Variants in GLCCI1 observed in about 807,000 individuals in gnomAD.
GLCCI1 encodes glucocorticoid-induced transcript 1 protein.
In GLCCI1, 24 loss-of-function variants were observed where a neutral mutation model predicts 52.2. That is an observed-to-expected ratio of 0.46 (90% CI 0.33 to 0.65). GLCCI1 has a LOEUF of 0.65. Ranked by LOEUF, GLCCI1 falls within the 30% of genes least tolerant of loss-of-function variation. The pLI, the probability that GLCCI1 is intolerant of heterozygous loss-of-function variation, is 0.02. For synonymous variants in GLCCI1, 310 were observed against 276.5 expected, an observed-to-expected ratio of 1.12 and a Z score of -1.20; for missense variants, 704 against 701.5, an observed-to-expected ratio of 1.00 and a Z score of -0.04.
intron 3 of GLCCI1, among the ~76,000 whole-genome samples, chr7:8,040,805 T>TCA (rs1781979869): frequency 6.6e-6 from 1 of 152,224 alleles, no homozygotes; most frequent in South Asian, 2.1e-4. Flanking sequence ...TATCGCAGCA[T>TCA]CATTCAAACT....
rs980227219 is a variant in GLCCI1, at chr7:7,968,829, GGCGGCGGCGGCGGCGGCGTTT to G, written c.-517_-497del. The G allele has an allele frequency of 1.3e-5, 2 of 159,200 alleles. No homozygotes were observed. The highest frequency in any genetic ancestry group is 4.8e-5 in the African/African-American group (2 of 41,480). 9.9% of individuals were successfully genotyped at this position (159,200 alleles called of 1,614,324 possible). Reference sequence around the variant, plus strand: ...TTCGGAGTGAGGAGTGGGTAGAAGCGGCGGCGGCGGCGGCGGCGTTTGCGGTGGCGCGGACTCCGAGGAGCG... The same window carrying G: ...TTCGGAGTGAGGAGTGGGTAGAAGCGGCGGTGGCGCGGACTCCGAGGAGCG... On this transcript the variant is annotated 5_prime_UTR_variant, in exon 1 of 8. Coordinates refer to ENST00000223145, the MANE Select transcript of GLCCI1 (RefSeq NM_138426.4).
chr7:7,972,807 T>G (rs1780379470), intron 1 of GLCCI1, among the ~76,000 whole-genome samples: 1 of 152,114 alleles, frequency 6.6e-6, no homozygotes, highest in African/African-American at 2.4e-5. Context: ...ATAATTTCCT[T>G]TATTTTTGTA....
intron 6 of GLCCI1, among the ~76,000 whole-genome samples, chr7:8,083,780 C>G (rs1180823796): frequency 6.6e-6 from 1 of 152,156 alleles, no homozygotes; most frequent in Non-Finnish European, 1.5e-5. Context: ...AATCTGCATT[C>G]ACAAGACTCT....
At chr7:8,074,008 A>T (rs754506257) in intron 6 of GLCCI1, among the ~76,000 whole-genome samples, 1 of 152,188 alleles carries the variant, frequency 6.6e-6, no homozygotes, top group South Asian at 2.1e-4. Context: ...TCCCTTTTAT[A>T]TATGTAACTA....
At chr7:8,006,541 T>G (rs1475203182) in intron 2 of GLCCI1, among the ~76,000 whole-genome samples, 1 of 152,178 alleles carries the variant, frequency 6.6e-6, no homozygotes, top group Non-Finnish European at 1.5e-5. Flanking sequence ...ACATTTAAGT[T>G]AGTAGTAGTA....
At chr7:8,072,059 C>T (rs981910346) in intron 6 of GLCCI1, among the ~76,000 whole-genome samples, 5 of 152,138 alleles carry the variant, frequency 3.3e-5, no homozygotes, top group African/African-American at 4.8e-5. Context: ...CTCCTGAAAC[C>T]ACTACCTACA....
chr7:8,042,664 G>T (rs1171188111), intron 3 of GLCCI1, among the ~76,000 whole-genome samples: 3 of 152,202 alleles, frequency 2.0e-5, no homozygotes, highest in Admixed American at 6.5e-5. Flanking sequence ...CTGAAGATGT[G>T]ACTGATTTGC....
chr7:8,086,434 G>A lies in GLCCI1; in HGVS notation c.1540G>A (p.Gly514Ser). The A allele has an allele frequency of 6.2e-7, 1 of 1,614,118 alleles. No individual in the cohort carries two copies. Among genetic ancestry groups the A allele is most frequent in the Non-Finnish European group, 8.5e-7 (1 of 1,180,024 alleles). Residue 514 changes from glycine (G) to serine (S), a missense_variant, in exon 8 of 8, where the codon GGC (glycine) becomes AGC (serine). By Grantham distance (56) the Gly-to-Ser change is moderately conservative. Coordinates refer to ENST00000223145, the MANE Select transcript of GLCCI1 (RefSeq NM_138426.4). This position sits in a 1 kb window ranked among gnomAD's most constrained non-coding sequence, Gnocchi z 4.4. The part of the protein sequence containing the change: ...TSLSDDTSTA[G>S]SMEASVQQPS... ...TCTTTCTGATGACACCAGCACAGCG[G>A]GCTCCATGGAGGCCTCTGTCCAGCA...
intron 1 of GLCCI1, among the ~76,000 whole-genome samples, chr7:7,972,919 C>T (rs1331703834): frequency 1.3e-5 from 2 of 152,028 alleles, no homozygotes; most frequent in Admixed American, 1.3e-4. Context: ...CAAATTGAAA[C>T]TGTTTTGTTT....
chr7:8,074,843 A>G (rs556119452), intron 6 of GLCCI1, among the ~76,000 whole-genome samples: 3 of 152,236 alleles, frequency 2.0e-5, no homozygotes, highest in South Asian at 2.1e-4. Context: ...GAAGTCAACT[A>G]GGATTGATTT....
At chr7:8,070,864 C>G (rs142286588) in intron 5 of GLCCI1, 57 bp from the exon 6 acceptor site, 1 of 1,438,150 alleles carries the variant, frequency 7.0e-7, no homozygotes, top group African/African-American at 1.4e-5. Flanking sequence ...TATGTGCTTT[C>G]TATGTAGATG....
intron 6 of GLCCI1, among the ~76,000 whole-genome samples, chr7:8,082,062 G>C (rs575623346): frequency 7.2e-4 from 109 of 152,276 alleles, no homozygotes; most frequent in African/African-American, 2.5e-3. Flanking sequence ...GTAAACAAGA[G>C]AGACTCAATT....
rs1049074078 is a variant in GLCCI1, at chr7:8,071,879, A to G, written c.1177+748A>G. 5.9e-5 allele frequency among the ~76,000 whole-genome samples: 9 copies of G among 152,218 alleles called. No homozygotes were observed. In the East Asian group the frequency reaches 1.2e-3, roughly 20 times the overall value. ...CTTGTCACCATAGAGAAATAGGTCA[A>G]TGGCAACAAAATTGTAAAACTATAA... On this transcript the variant is annotated intron_variant, in intron 6 of 7. Coordinates refer to ENST00000223145, the MANE Select transcript of GLCCI1 (RefSeq NM_138426.4).
Position 8,006,402 on chromosome 7 carries a change from C to T in GLCCI1, c.609+2343C>T, listed in dbSNP as rs368497518. On this transcript the variant is annotated intron_variant, in intron 2 of 7. Transcript: ENST00000223145. ...GTGATGTGGAGATAGAAGGAAAGAA[C>T]GCTGGATATGTTTCTTACACATGTC... Among the ~76,000 whole-genome samples, 34 of 152,184 alleles carry T rather than the reference C, an allele frequency of 2.2e-4. 1 individual carries two copies. In the East Asian group the frequency reaches 4.8e-3, roughly 22 times the overall value.
Position 8,027,684 on chromosome 7 carries a change from GA to G in GLCCI1, c.696+5127del, listed in dbSNP as rs796859194. 5.6e-3 allele frequency among the ~76,000 whole-genome samples: 786 copies of G among 139,306 alleles called. 6 individuals are homozygous for G. The highest frequency in any genetic ancestry group is 0.013 in the South Asian group (56 of 4,402). The allele number at this position is 139,306 out of a possible 152,430, so 91.4% of individuals were successfully genotyped here. On this transcript the variant is annotated intron_variant, in intron 3 of 7. Transcript: ENST00000223145. Reference sequence around the variant, plus strand: ...AAAGACAACGAGTGGCTGAATGGATGAAAAAAAAAAAAGAGACCCAATGATC... The same window carrying G: ...AAAGACAACGAGTGGCTGAATGGATGAAAAAAAAAAAGAGACCCAATGATC...
chr7:7,984,717 G>A (rs1282037499), intron 1 of GLCCI1, among the ~76,000 whole-genome samples: 1 of 152,140 alleles, frequency 6.6e-6, no homozygotes, highest in Non-Finnish European at 1.5e-5. Flanking sequence ...TCTCATTGCT[G>A]AATAAAATGT....
chr7:8,007,941 A>G (rs1172722023), intron 2 of GLCCI1, among the ~76,000 whole-genome samples: 1 of 152,198 alleles, frequency 6.6e-6, no homozygotes, highest in Admixed American at 6.5e-5. Context: ...GGATAATGAA[A>G]ATGTTAATTA....
At chr7:8,073,482 C>G (rs1234671342) in intron 6 of GLCCI1, among the ~76,000 whole-genome samples, 2 of 152,072 alleles carry the variant, frequency 1.3e-5, no homozygotes, top group Non-Finnish European at 2.9e-5. Context: ...CTGCATAACA[C>G]TAATTTCTTT....
intron 2 of GLCCI1, among the ~76,000 whole-genome samples, chr7:8,011,951 C>T (rs1042502165): frequency 8.6e-5 from 13 of 151,658 alleles, no homozygotes; most frequent in Non-Finnish European, 1.2e-4. Context: ...CAGCAGCTGG[C>T]ACTGCAGGCA....
Sources: allele counts gnomAD v4.1 joint callset (sites outside exome capture counted in the v4.1 genomes callset), GRCh38; gene constraint gnomAD v4.1.1; non-coding constraint Gnocchi (gnomAD v3.1); transcripts MANE v1.5; gene names NCBI Gene and HGNC (gene_info 2026-07-23, HGNC 2026-07-21).